CSMD2: variants seen among roughly 807,000 people sequenced by gnomAD.
CSMD2 encodes CUB and Sushi multiple domains 2, also known as CUB and sushi domain-containing protein 2.
In CSMD2, 130 loss-of-function variants were observed where a neutral mutation model predicts 398.5. That is an observed-to-expected ratio of 0.33 (90% CI 0.28 to 0.38). The LOEUF is 0.38. Ranked by LOEUF, CSMD2 falls within the 10% of genes least tolerant of loss-of-function variation. The pLI is 1.00. For synonymous variants in CSMD2, 1,828 were observed against 1,908.5 expected (o/e 0.96, Z 1.10); for missense variants, 3,829 against 4,764.9 (o/e 0.80, Z 5.78).
intron 2 of CSMD2, among the ~76,000 whole-genome samples, chr1:34,085,595 AC>A (rs1461823382): frequency 2.0e-5 from 3 of 152,180 alleles, no homozygotes; most frequent in African/African-American, 7.2e-5. Flanking sequence ...CAATTCTAAA[AC>A]AAGATGGTGA....
At chr1:33,659,714 G>A (rs576571125) in intron 26 of CSMD2, among the ~76,000 whole-genome samples, 10 of 152,316 alleles carry the variant, frequency 6.6e-5, no homozygotes, top group African/African-American at 2.2e-4. Context: ...GCAGCCTAGG[G>A]CAACTGTATA....
intron 28 of CSMD2, among the ~76,000 whole-genome samples, chr1:33,648,598 T>C (rs1643589339): frequency 6.6e-6 from 1 of 152,136 alleles, no homozygotes; most frequent in African/African-American, 2.4e-5. Flanking sequence ...TCCAGACATT[T>C]TGTGGTTGAT....
intron 64 of CSMD2, among the ~76,000 whole-genome samples, chr1:33,529,336 T>C (rs1260464966): frequency 6.6e-6 from 1 of 152,118 alleles, no homozygotes; most frequent in East Asian, 1.9e-4. Context: ...TTTGTAGACA[T>C]GTAGTCTCCC....
chr1:33,823,319 G>A (rs772883849), intron 7 of CSMD2, among the ~76,000 whole-genome samples: 2 of 152,158 alleles, frequency 1.3e-5, no homozygotes, highest in Non-Finnish European at 2.9e-5. Flanking sequence ...GCTTCCCCAG[G>A]AAACAAGCAA....
intron 13 of CSMD2, among the ~76,000 whole-genome samples, chr1:33,746,454 C>G (rs563596668): frequency 3.2e-4 from 49 of 152,190 alleles, no homozygotes; most frequent in African/African-American, 1.2e-3. Flanking sequence ...ATTAATAAGG[C>G]CTGAGACCCT....
intron 6 of CSMD2, among the ~76,000 whole-genome samples, chr1:33,836,772 T>A (rs764669426): frequency 6.6e-6 from 1 of 152,182 alleles, no homozygotes; most frequent in Non-Finnish European, 1.5e-5. Context: ...ACCCCTTTCC[T>A]TGGCTAGGAA....
chr1:33,830,237 G>T (rs1287622727), intron 6 of CSMD2, among the ~76,000 whole-genome samples: 2 of 152,208 alleles, frequency 1.3e-5, no homozygotes, highest in Non-Finnish European at 2.9e-5. Flanking sequence ...TGACCCCCGA[G>T]CAGCCTAACT....
intron 3 of CSMD2, among the ~76,000 whole-genome samples, chr1:33,957,279 C>T (rs539468389): frequency 6.6e-6 from 1 of 152,048 alleles, no homozygotes; most frequent in Non-Finnish European, 1.5e-5. Flanking sequence ...GGCAGAGAGC[C>T]ATTGCTCAAT....
At chr1:33,605,224 T>C in intron 42 of CSMD2, 58 bp downstream of exon 42, 1 of 1,512,638 alleles carries the variant, frequency 6.6e-7, no homozygotes, top group Non-Finnish European at 9.0e-7. Flanking sequence ...GGGATTGCTC[T>C]GGACCAGTCT....
chr1:33,896,044 C>G (rs1277167350), intron 5 of CSMD2, among the ~76,000 whole-genome samples: 1 of 152,192 alleles, frequency 6.6e-6, no homozygotes, highest in Non-Finnish European at 1.5e-5. Flanking sequence ...TAAATCCAAG[C>G]TGAGTTTTCT....
intron 3 of CSMD2, among the ~76,000 whole-genome samples, chr1:33,969,743 G>T (rs59698517): frequency 6.6e-6 from 1 of 152,052 alleles, no homozygotes; most frequent in Non-Finnish European, 1.5e-5. Context: ...TTAGATGAAT[G>T]AATGAATGAG....
intron 25 of CSMD2, among the ~76,000 whole-genome samples, chr1:33,683,589 CATTCT>C (rs1359065608): frequency 6.6e-6 from 1 of 152,196 alleles, no homozygotes; most frequent in Non-Finnish European, 1.5e-5. Context: ...CAAGTTGATG[CATTCT>C]GGCCAATTCA....
intron 2 of CSMD2, among the ~76,000 whole-genome samples, chr1:34,055,951 A>G (rs1653783272): frequency 6.6e-6 from 1 of 152,220 alleles, no homozygotes; most frequent in Non-Finnish European, 1.5e-5. Context: ...CAGTCAACCC[A>G]TTAGCATTCA....
At chr1:33,700,490 G>A in intron 23 of CSMD2, 27 bp downstream of exon 23, 2 of 1,612,128 alleles carry the variant, frequency 1.2e-6, no homozygotes, top group Non-Finnish European at 8.5e-7. Context: ...TGACTTCCTT[G>A]TCCACACAGA....
intron 14 of CSMD2, among the ~76,000 whole-genome samples, 192 bp downstream of exon 14, chr1:33,743,088 C>G (rs960356646): frequency 3.9e-5 from 6 of 152,088 alleles, no homozygotes; most frequent in African/African-American, 1.4e-4. Flanking sequence ...AAAAGAGCAC[C>G]CTGCCTGGCA....
chr1:33,817,909 A>G (rs936491609), intron 9 of CSMD2, among the ~76,000 whole-genome samples: 3 of 152,206 alleles, frequency 2.0e-5, no homozygotes, highest in African/African-American at 7.2e-5. Context: ...GCCCAGCCCA[A>G]TGCTTAGTTA....
At chr1:34,090,177 A>T (rs1410222413) in intron 1 of CSMD2, among the ~76,000 whole-genome samples, 6 of 152,158 alleles carry the variant, frequency 3.9e-5, no homozygotes, top group African/African-American at 1.4e-4. Context: ...GTGCACACGC[A>T]TCACCTGGGG....
chr1:33,772,726 G>T lies in CSMD2; in HGVS notation c.1689C>A (p.Asp563Glu), dbSNP rs1459678202. ...TCCGGCCATATGCAGGTATGCCAGG[G>T]TCACCGCAACTGCCCTGCTCGATCT... Reference protein sequence around the residue: ...YEEIEQGSCGDPGIPAYGRRE... With the variant: ...YEEIEQGSCGEPGIPAYGRRE... Residue 563 changes from aspartate (D) to glutamate (E), a missense_variant, in exon 13 of 71, where the codon GAC (aspartate) becomes GAA (glutamate). Coordinates refer to ENST00000373381, the MANE Select transcript of CSMD2 (RefSeq NM_001281956.2). 4 of 1,613,792 alleles carry T rather than the reference G, an allele frequency of 2.5e-6. No homozygotes were observed. In the African/African-American group the frequency reaches 5.3e-5, roughly 22 times the overall value.
chr1:33,724,202 C>A lies in CSMD2; in HGVS notation c.2996G>T (p.Gly999Val). Residue 999 changes from glycine (G) to valine (V), a missense_variant, in exon 19 of 71, where the codon GGC becomes GTC. Physicochemically the swap from Gly to Val is moderately radical, Grantham distance 109. Around this residue, in one of 5 missense-constraint regions of CSMD2, gnomAD observed 2,001 missense variants for 2,567.1 expected, o/e 0.78. Transcript: ENST00000373381. The stretch of plus-strand genomic sequence containing the variant: ...CTATGGGCTGAAACACTCACCCTTG[C>A]CATGAGATGTTTCGATAATCCAGGT... ...NCTWIIETSH[G>V]KGVFFTFHTF... The A allele has an allele frequency of 1.2e-6, 2 of 1,609,356 alleles. No homozygotes were observed. The highest frequency in any genetic ancestry group is 1.7e-6 in the Non-Finnish European group (2 of 1,175,682).
Sources: gnomAD v4.1 joint callset for allele counts (sites outside exome capture counted in the v4.1 genomes callset) on GRCh38, gnomAD v4.1.1 for gene constraint, gnomAD v4.1.1 regional missense constraint, MANE v1.5 for transcripts, NCBI Gene and HGNC (gene_info 2026-07-23, HGNC 2026-07-21) for gene names.